Variants in UGDH observed in about 807,000 individuals in gnomAD.
The protein encoded by UGDH is UDP-glucose 6-dehydrogenase.
Under a neutral mutation model 50.6 loss-of-function variants are expected in UGDH, and 38 were observed. That is an observed-to-expected ratio of 0.75 (90% CI 0.58 to 0.98). The LOEUF is 0.98. Ranked by LOEUF, UGDH falls within the 50% of genes least tolerant of loss-of-function variation. The pLI, the probability that UGDH is intolerant of heterozygous loss-of-function variation, is 0.00. For missense variants in UGDH, 465 were observed against 606.2 expected (o/e 0.77, Z 2.45); for synonymous variants, 168 against 199.9 (o/e 0.84, Z 1.35).
At chr4:39,515,306 T>C (rs955908323) in intron 2 of UGDH, among the ~76,000 whole-genome samples, 9 of 152,226 alleles carry the variant, frequency 5.9e-5, no homozygotes, top group African/African-American at 2.2e-4. Flanking sequence ...ATTCAAGGTC[T>C]TCTGTGATTT....
chr4:39,500,103 A>G lies in UGDH; in HGVS notation c.*40T>C. ...TAGATATTTGCTATCCTGAAGTACCAAAAAAAAAAAAAAAAAATCACAAAT... is the reference window on the plus strand; with the variant it reads ...TAGATATTTGCTATCCTGAAGTACCGAAAAAAAAAAAAAAAAATCACAAAT... On this transcript the variant is annotated 3_prime_UTR_variant, in exon 12 of 12. Transcript: ENST00000316423. 1 of 13,928 alleles carries G rather than the reference A, an allele frequency of 7.2e-5. No homozygotes were observed. Among genetic ancestry groups the G allele is most frequent in the Non-Finnish European group, 1.8e-4 (1 of 5,600 alleles). 0.9% of individuals were successfully genotyped at this position (13,928 alleles called of 1,614,324 possible).
At chr4:39,525,531 T>C (rs1333786184) in intron 1 of UGDH, among the ~76,000 whole-genome samples, 3 of 140,412 alleles carry the variant, frequency 2.1e-5, no homozygotes, top group Non-Finnish European at 4.6e-5. Context: ...TTTTGAGACG[T>C]AGTCTCGCTC....
rs1746312202 is a variant in UGDH, at chr4:39,513,299, T to C, written c.264+784A>G. 2.0e-5 allele frequency among the ~76,000 whole-genome samples: 3 copies of C among 152,142 alleles called. No individual in the cohort carries two copies. In the South Asian group the frequency reaches 6.2e-4, roughly 32 times the overall value. ...TTTTTTCATTATAAAGGTAGGACAG[T>C]TCAGCCACATTATGAGGTAAAGGTG... On this transcript the variant is annotated intron_variant, in intron 3 of 11. Transcript: ENST00000316423.
chr4:39,508,918 CCTT>C (rs1404592336), intron 6 of UGDH, among the ~76,000 whole-genome samples: 2 of 147,758 alleles, frequency 1.4e-5, no homozygotes, highest in Non-Finnish European at 3.0e-5. Flanking sequence ...CCTTTTATCT[CCTT>C]TTTTTTCTCA....
At chr4:39,521,073 A>C (rs971943712) in intron 2 of UGDH, among the ~76,000 whole-genome samples, 2 of 149,796 alleles carry the variant, frequency 1.3e-5, no homozygotes, top group African/African-American at 2.5e-5. Flanking sequence ...CCGTCTCAAA[A>C]AAAAAAAAAA....
chr4:39,518,971 T>C (rs1746539062), intron 2 of UGDH, among the ~76,000 whole-genome samples: 1 of 152,094 alleles, frequency 6.6e-6, no homozygotes, highest in Non-Finnish European at 1.5e-5. Context: ...GGCTGGAGTA[T>C]AGTGGTGCGA....
chr4:39,516,418 C>T (rs111367832), intron 2 of UGDH, among the ~76,000 whole-genome samples: 1,581 of 152,278 alleles, frequency 0.01, 24 homozygotes, highest in African/African-American at 0.034. Flanking sequence ...GATGGGCACA[C>T]GGAGATTCAT....
At chr4:39,500,277 A>T in intron 11 of UGDH, 24 bp from the exon 12 acceptor site, 1 of 1,420,164 alleles carries the variant, frequency 7.0e-7, no homozygotes, top group South Asian at 1.3e-5. Flanking sequence ...AAAATTTAAG[A>T]GAACTATTAA....
In UGDH at chr4:39,499,143, A is replaced by C. The variant is rs538723626; in HGVS notation, c.*1000T>G. On this transcript the variant is annotated 3_prime_UTR_variant, in exon 12 of 12. Coordinates refer to ENST00000316423, the MANE Select transcript of UGDH (RefSeq NM_003359.4). ...GAAAAAAATTACAATTAAGAATGGA[A>C]ATTAAAATGTAAAACCAAGATAAAT... is the stretch of plus-strand genomic sequence containing the variant. 4.6e-5 allele frequency: 7 copies of C among 152,126 alleles called. 1 individual carries two copies. The South Asian group carries it at 1.5e-3, about 32-fold the overall frequency. The allele number at this position is 152,126 out of a possible 1,614,324, so 9.4% of individuals were successfully genotyped here. A position where few individuals can be genotyped will look rare whatever the true frequency, so the allele number is the denominator to read the frequency against.
At chr4:39,521,236 A>T in intron 2 of UGDH, 115 bp downstream of exon 2, 1 of 1,111,372 alleles carries the variant, frequency 9.0e-7, no homozygotes, top group Non-Finnish European at 1.2e-6. Flanking sequence ...GATTTTTTTC[A>T]TTTAATTTCT....
intron 11 of UGDH, among the ~76,000 whole-genome samples, chr4:39,501,431 G>A (rs774170590): frequency 2.6e-5 from 4 of 151,548 alleles, no homozygotes; most frequent in Non-Finnish European, 2.9e-5. Flanking sequence ...CTGCCACCAC[G>A]CCCGGCAATT....
At chr4:39,512,572 A>C (rs531584644) in intron 3 of UGDH, among the ~76,000 whole-genome samples, 6 of 152,220 alleles carry the variant, frequency 3.9e-5, no homozygotes, top group Non-Finnish European at 7.3e-5. Flanking sequence ...ATTCAAAAAC[A>C]GATTATTTTT....
In UGDH at chr4:39,514,021, T is replaced by G. The variant is rs1746349052; in HGVS notation, c.264+62A>C. On this transcript the variant is annotated intron_variant, in intron 3 of 11. Coordinates refer to ENST00000316423, the MANE Select transcript of UGDH (RefSeq NM_003359.4). ...TACCAATGGATTTACTATTAAAGTA[T>G]GATGAAACTTTTATATAGACAAGAA... The G allele has an allele frequency of 1.8e-5, 24 of 1,324,614 alleles. No individual in the cohort carries two copies. In the South Asian group the frequency reaches 2.5e-4, roughly 14 times the overall value. The allele number at this position is 1,324,614 out of a possible 1,614,324, so 82.1% of individuals were successfully genotyped here.
intron 7 of UGDH, among the ~76,000 whole-genome samples, chr4:39,507,300 G>T (rs1265039976): frequency 6.6e-6 from 1 of 152,190 alleles, no homozygotes; most frequent in Admixed American, 6.5e-5. Flanking sequence ...CTTCCAATTT[G>T]GAAGGGGTTT....
At chr4:39,506,548 G>A (rs896201540) in intron 7 of UGDH, among the ~76,000 whole-genome samples, 2 of 152,214 alleles carry the variant, frequency 1.3e-5, no homozygotes, top group Non-Finnish European at 2.9e-5. Context: ...AATGTGCAGA[G>A]TTCTAGCTGC....
chr4:39,525,203 T>C (rs564936529), intron 1 of UGDH, among the ~76,000 whole-genome samples: 1 of 152,354 alleles, frequency 6.6e-6, no homozygotes, highest in East Asian at 1.9e-4. Context: ...TTCTATTTCT[T>C]TTTTCTTTTT....
intron 2 of UGDH, among the ~76,000 whole-genome samples, chr4:39,514,690 TA>T (rs1378408969): frequency 6.7e-6 from 1 of 148,774 alleles, no homozygotes; most frequent in East Asian, 1.9e-4. Context: ...TATTTTATTT[TA>T]TTTTTTTTTG....
chr4:39,521,431 G>A lies in UGDH; in HGVS notation c.82C>T (p.Pro28Ser). 6.2e-7 allele frequency: 1 copy of A among 1,613,208 alleles called. No homozygotes were observed. The change falls in exon 2 of 12, where the codon CCT (proline) becomes TCT (serine). Residue 28 changes from proline (P) to serine (S), a missense_variant. Coordinates refer to ENST00000316423, the MANE Select transcript of UGDH (RefSeq NM_003359.4). ...PTCSVIAHMC[P>S]EIRVTVVDVN... ...TCAACAACCGTTACCCTGATTTCAG[G>A]ACACATATGAGCAATGACACTACAT...
At chr4:39,504,588 G>T in intron 9 of UGDH, 80 bp from the exon 10 acceptor site, 1 of 1,249,568 alleles carries the variant, frequency 8.0e-7, no homozygotes, top group Non-Finnish European at 1.1e-6. Flanking sequence ...CTTATCTGCA[G>T]GGATACATTC....
Sources: allele counts gnomAD v4.1 joint callset (sites outside exome capture counted in the v4.1 genomes callset), GRCh38; gene constraint gnomAD v4.1.1; transcripts MANE v1.5; gene names NCBI Gene and HGNC (gene_info 2026-07-23, HGNC 2026-07-21).